Variants in CDK14 observed in about 807,000 individuals in gnomAD.
The protein encoded by CDK14 is cyclin-dependent kinase 14.
A neutral mutation model predicts 60.7 loss-of-function variants in CDK14; 34 were observed. That is an observed-to-expected ratio of 0.56 (90% confidence interval 0.43 to 0.75). CDK14 has a LOEUF of 0.75. CDK14 is among the 30% of genes least tolerant of loss of function. The pLI is 0.00. For synonymous variants in CDK14, 197 were observed against 203.7 expected (o/e 0.97, Z 0.28); for missense variants, 482 against 564.1 (o/e 0.85, Z 1.47).
At chr7:90,683,926 GTGTGTGTA>G (rs1206201431) in intron 2 of CDK14, among the ~76,000 whole-genome samples, 9 of 150,484 alleles carry the variant, frequency 6.0e-5, no homozygotes, top group African/African-American at 2.2e-4. Context: ...GTGTGTGTGT[GTGTGTGTA>G]TGCATTCATA....
At chr7:91,203,219 G>T (rs973836822) in intron 14 of CDK14, among the ~76,000 whole-genome samples, 34 of 152,180 alleles carry the variant, frequency 2.2e-4, no homozygotes, top group African/African-American at 8.2e-4. Context: ...TGCAGTGTGT[G>T]CAGTACTGTG....
intron 10 of CDK14, among the ~76,000 whole-genome samples, chr7:91,009,640 TTGG>T (rs1401127149): frequency 1.3e-5 from 2 of 152,208 alleles, no homozygotes; most frequent in African/African-American, 4.8e-5. Context: ...TATGTCTTCT[TTGG>T]TGAAGTGTTT....
chr7:90,908,961 A>G (rs1792803605), intron 7 of CDK14, among the ~76,000 whole-genome samples: 1 of 152,148 alleles, frequency 6.6e-6, no homozygotes, highest in Admixed American at 6.6e-5. Context: ...TAGTTATACT[A>G]GCCTTCTCAG....
chr7:90,941,029 A>T (rs1291235249), intron 8 of CDK14, among the ~76,000 whole-genome samples: 3 of 152,186 alleles, frequency 2.0e-5, no homozygotes, highest in African/African-American at 4.8e-5. Flanking sequence ...CTCTGCCTTA[A>T]ATAGGTTAGG....
chr7:91,055,878 A>G (rs1281550837), intron 11 of CDK14, among the ~76,000 whole-genome samples: 1 of 152,226 alleles, frequency 6.6e-6, no homozygotes, highest in Admixed American at 6.5e-5. Context: ...TTGAGTTGTT[A>G]TATACCAGTG....
intron 1 of CDK14, 98 bp downstream of exon 1, chr7:90,596,816 C>A: frequency 9.7e-7 from 1 of 1,035,714 alleles, no homozygotes; most frequent in Non-Finnish European, 1.5e-6. Flanking sequence ...GCCAGCGGGG[C>A]TGGCGTGGGG....
chr7:90,619,397 G>GA lies in CDK14; in HGVS notation c.123+15152dup, dbSNP rs1799720814. On this transcript the variant is annotated intron_variant, in intron 2 of 14. Coordinates refer to ENST00000380050, the MANE Select transcript of CDK14 (RefSeq NM_001287135.2). ...GCCTGAAAACTCAAAGATTACATTT[G>GA]AAAATCTCTTTCCAGTGTTCCATAA... is the stretch of plus-strand genomic sequence containing the variant. 2.6e-5 allele frequency among the ~76,000 whole-genome samples: 4 copies of GA among 152,204 alleles called. No homozygotes were observed. The South Asian group carries it at 8.3e-4, about 32-fold the overall frequency.
chr7:90,703,120 C>T (rs1347769825), intron 2 of CDK14, among the ~76,000 whole-genome samples: 1 of 151,672 alleles, frequency 6.6e-6, no homozygotes, highest in African/African-American at 2.4e-5. Context: ...GGGATTGTAG[C>T]CTCTGTCCTC....
intron 4 of CDK14, among the ~76,000 whole-genome samples, chr7:90,765,498 G>C (rs150281047): frequency 3.7e-4 from 56 of 152,166 alleles, no homozygotes; most frequent in African/African-American, 1.3e-3. Context: ...AAAGTACCAA[G>C]GAAGAAAGAG....
At chr7:90,755,098 C>G (rs1179016144) in intron 4 of CDK14, among the ~76,000 whole-genome samples, 1 of 152,168 alleles carries the variant, frequency 6.6e-6, no homozygotes, top group Non-Finnish European at 1.5e-5. Context: ...TTCATCCCAG[C>G]AGTCTCATTA....
At chr7:91,193,260 A>G (rs1802430504) in intron 14 of CDK14, among the ~76,000 whole-genome samples, 2 of 152,194 alleles carry the variant, frequency 1.3e-5, no homozygotes, top group South Asian at 4.1e-4. Context: ...CTATTAATGG[A>G]AATCAGAAGG....
intron 11 of CDK14, among the ~76,000 whole-genome samples, chr7:91,050,262 G>T (rs554233214): frequency 1.3e-5 from 2 of 152,268 alleles, no homozygotes; most frequent in East Asian, 1.9e-4. Flanking sequence ...ATTATACTGA[G>T]AATTGGGGGC....
chr7:90,995,718 T>G (rs188771959), intron 10 of CDK14, among the ~76,000 whole-genome samples: 2 of 152,360 alleles, frequency 1.3e-5, no homozygotes, highest in Non-Finnish European at 2.9e-5. Context: ...CTGCTTACTC[T>G]TTCATCAGAA....
chr7:90,612,793 A>T (rs1397720966), intron 2 of CDK14, among the ~76,000 whole-genome samples: 1 of 141,968 alleles, frequency 7.0e-6, no homozygotes, highest in East Asian at 2.0e-4. Context: ...AAAAAAAAAA[A>T]GATTTTATAT....
Position 91,183,782 on chromosome 7 carries a change from G to A in CDK14, c.*29-23383G>A, listed in dbSNP as rs549893930. Among the ~76,000 whole-genome samples the A allele has an allele frequency of 8.5e-5, 13 of 152,228 alleles. No individual in the cohort carries two copies. The South Asian group carries it at 2.7e-3, about 32-fold the overall frequency. On this transcript the variant is annotated intron_variant, in intron 14 of 14. Coordinates refer to ENST00000380050, the MANE Select transcript of CDK14 (RefSeq NM_001287135.2). ...CATCCTACTAAAATCTACCCCCAAA[G>A]TCTCAGTTTCTCTATTCACACCAGA...
rs370848449 is a variant in CDK14, at chr7:90,641,415, C to G, written c.123+37166C>G. ...GATGAATGGATAAAGTGCAGCATAT[C>G]TATATAATGAAATGTTATTCATTAA... On this transcript the variant is annotated intron_variant, in intron 2 of 14. Coordinates refer to ENST00000380050, the MANE Select transcript of CDK14 (RefSeq NM_001287135.2). Among the ~76,000 whole-genome samples the G allele has an allele frequency of 2.0e-4, 30 of 152,146 alleles. 1 individual carries two copies. The South Asian group carries it at 6.0e-3, about 31-fold the overall frequency.
rs533748597 is a variant in CDK14 at position 90,726,116 on chromosome 7, A to G, written c.124-451A>G. On this transcript the variant is annotated intron_variant, in intron 2 of 14. Transcript: ENST00000380050. ...CATGCATAAAACTTTTAAACAACAT[A>G]ATGCCCTTTCCTTCTCTAGCCTAGG... Among the ~76,000 whole-genome samples, 131 of 152,274 alleles carry G rather than the reference A, an allele frequency of 8.6e-4. 1 individual carries two copies. The highest frequency in any genetic ancestry group is 3.1e-3 in the African/African-American group (128 of 41,572).
intron 6 of CDK14, among the ~76,000 whole-genome samples, chr7:90,887,399 G>A (rs1003620066): frequency 6.6e-6 from 1 of 152,072 alleles, no homozygotes; most frequent in African/African-American, 2.4e-5. Flanking sequence ...CATAAGAATA[G>A]CAATATAATT....
chr7:90,840,912 TTG>T (rs1790267891), intron 5 of CDK14, among the ~76,000 whole-genome samples: 1 of 134,284 alleles, frequency 7.4e-6, no homozygotes, highest in Non-Finnish European at 1.6e-5. Context: ...TTCATTGACA[TTG>T]TGTCTGTTTA....
Sources: gnomAD v4.1 joint callset for allele counts (sites outside exome capture counted in the v4.1 genomes callset) on GRCh38, gnomAD v4.1.1 for gene constraint, MANE v1.5 for transcripts, NCBI Gene and HGNC (gene_info 2026-07-23, HGNC 2026-07-21) for gene names.